The following LRRN1 variants were observed in gnomAD, a reference collection of about 807,000 sequenced individuals.
The protein encoded by LRRN1 is leucine rich repeat neuronal 1.
A neutral mutation model predicts 45.8 loss-of-function variants in LRRN1; 14 were observed. The observed-to-expected ratio is 0.31, with a 90% CI of 0.20 to 0.48. The LOEUF (loss-of-function observed/expected upper bound fraction) is 0.48. LRRN1 is among the 20% of genes least tolerant of loss of function. LRRN1 has a pLI of 0.99. For missense variants in LRRN1, 789 were observed against 874.2 expected, an observed-to-expected ratio of 0.90 and a Z score of 1.23; for synonymous variants, 359 against 330.1, an observed-to-expected ratio of 1.09 and a Z score of -0.95.
At chr3:3,834,645 G>C (rs1020628724) in intron 1 of LRRN1, among the ~76,000 whole-genome samples, 1 of 146,302 alleles carries the variant, frequency 6.8e-6, no homozygotes, top group Non-Finnish European at 1.5e-5. Flanking sequence ...GTATTAACAT[G>C]CATGATCACA....
chr3:3,827,422 A>T (rs1279696097), intron 1 of LRRN1: 1 of 456,652 alleles, frequency 2.2e-6, no homozygotes, highest in Admixed American at 2.3e-5. Flanking sequence ...CTGGGAGGTC[A>T]GTCCACACAG....
intron 1 of LRRN1, among the ~76,000 whole-genome samples, chr3:3,834,372 A>T (rs1391276379): frequency 6.6e-6 from 1 of 150,954 alleles, no homozygotes; most frequent in Non-Finnish European, 1.5e-5. Flanking sequence ...TTAGAAGTAC[A>T]GTCCTTAGCA....
intron 1 of LRRN1, among the ~76,000 whole-genome samples, chr3:3,840,099 T>G (rs140015324): frequency 3.1e-3 from 474 of 152,270 alleles, no homozygotes; most frequent in African/African-American, 0.011. Flanking sequence ...TAAGAATCAT[T>G]TTAACTGTGG....
chr3:3,801,549 A>G (rs1221611982), intron 1 of LRRN1, among the ~76,000 whole-genome samples: 3 of 152,274 alleles, frequency 2.0e-5, no homozygotes, highest in South Asian at 2.1e-4. Context: ...TTTGCATGCA[A>G]ATGTGAGCGG....
At position 3,845,478 on chromosome 3, in the gene LRRN1, A is replaced by T; in HGVS notation, c.837A>T (p.Gln279His). ...DLNKNPIHKI[Q>H]EGDFKNMLRL... Reference sequence around the variant, plus strand: ...ACAAAAACCCCATTCACAAAATCCAAGAAGGGGACTTCAAAAATATGCTTC... The same window carrying T: ...ACAAAAACCCCATTCACAAAATCCATGAAGGGGACTTCAAAAATATGCTTC... Residue 279 changes from glutamine to histidine, a missense_variant, in exon 2 of 2, where the codon CAA becomes CAT. By Grantham distance (24) the Gln-to-His change is conservative. Coordinates refer to ENST00000319331, the MANE Select transcript of LRRN1 (RefSeq NM_020873.7). The surrounding 1 kb of genome is among the most constrained non-coding windows in gnomAD (Gnocchi z 6.5). The T allele has an allele frequency of 1.9e-6, 3 of 1,614,114 alleles. No individual in the cohort carries two copies. The highest frequency in any genetic ancestry group is 2.5e-6 in the Non-Finnish European group (3 of 1,180,018).
In LRRN1 at chr3:3,844,930, T is replaced by A; in HGVS notation, c.289T>A (p.Leu97Met). 6.2e-7 allele frequency: 1 copy of A among 1,614,122 alleles called. No homozygotes were observed. The highest frequency in any genetic ancestry group is 2.2e-5 in the East Asian group (1 of 44,858). Residue 97 changes from leucine to methionine, a missense_variant, in exon 2 of 2, where the codon TTG becomes ATG. Transcript: ENST00000319331. Reference protein sequence around the residue: ...TVDELQQLFNLTELDFSQNNF... With the variant: ...TVDELQQLFNMTELDFSQNNF... ...GGATGAGCTGCAGCAGCTTTTCAAC[T>A]TGACTGAACTAGATTTCTCCCAAAA...
At chr3:3,837,697 C>T (rs1347503544) in intron 1 of LRRN1, among the ~76,000 whole-genome samples, 2 of 151,410 alleles carry the variant, frequency 1.3e-5, no homozygotes, top group African/African-American at 4.8e-5. Flanking sequence ...CACCGCACCA[C>T]ATTTTTTTTT....
At chr3:3,834,067 C>G (rs539485031) in intron 1 of LRRN1, among the ~76,000 whole-genome samples, 103 of 152,216 alleles carry the variant, frequency 6.8e-4, no homozygotes, top group Non-Finnish European at 8.7e-4. Context: ...AAGACTCTCA[C>G]TCAGGGTAAT....
At chr3:3,837,222 C>T (rs1018727605) in intron 1 of LRRN1, among the ~76,000 whole-genome samples, 1 of 152,172 alleles carries the variant, frequency 6.6e-6, no homozygotes, top group African/African-American at 2.4e-5. Flanking sequence ...ACTTGACTTT[C>T]CATGCAGTAT....
rs575539940 is a variant in LRRN1 at position 3,821,283 on chromosome 3, C to G, written c.-279+21364C>G. On this transcript the variant is annotated intron_variant, in intron 1 of 1. Transcript: ENST00000319331. ...AACCTCCATTTCTCATTCCCACCAG[C>G]TACGTTTCACTTGCTCAGTAGCCAC... is the stretch of plus-strand genomic sequence containing the variant. Among the ~76,000 whole-genome samples the G allele has an allele frequency of 4.6e-5, 7 of 152,274 alleles. No individual in the cohort carries two copies. The South Asian group carries it at 1.5e-3, about 32-fold the overall frequency.
rs748280185 is a variant in LRRN1 at position 3,844,967 on chromosome 3, A to T, written c.326A>T (p.Asn109Ile). The T allele has an allele frequency of 6.8e-6, 11 of 1,614,104 alleles. No individual in the cohort carries two copies. Among genetic ancestry groups the T allele is most frequent in the Non-Finnish European group, 8.5e-6 (10 of 1,180,020 alleles). Residue 109 changes from asparagine to isoleucine, a missense_variant, in exon 2 of 2, where the codon AAC becomes ATC. By Grantham distance (149) the Asn-to-Ile change is moderately radical. Transcript: ENST00000319331. ...GATTTCTCCCAAAACAACTTTACTA[A>T]CATTAAGGAGGTCGGGCTGGCAAAC... ...ELDFSQNNFT[N>I]IKEVGLANLT...
Position 3,834,525 on chromosome 3 carries a change from G to GATATAT in LRRN1, c.-278-9816_-278-9811dup, listed in dbSNP as rs71040093. Among the ~76,000 whole-genome samples, 262 of 27,318 alleles carry GATATAT rather than the reference G, an allele frequency of 9.6e-3. 38 individuals carry two copies. The highest frequency in any genetic ancestry group is 0.014 in the Non-Finnish European group (140 of 10,060). The allele number at this position is 27,318 out of a possible 152,430, so 17.9% of individuals were successfully genotyped here. ...GCGTTCTCTTAGAGGGACAGAACAG[G>GATATAT]ATATATATATATATATATATATATA... is the stretch of plus-strand genomic sequence containing the variant. On this transcript the variant is annotated intron_variant, in intron 1 of 1. Transcript: ENST00000319331.
At chr3:3,809,968 C>A (rs1417912578) in intron 1 of LRRN1, among the ~76,000 whole-genome samples, 4 of 152,196 alleles carry the variant, frequency 2.6e-5, no homozygotes, top group African/African-American at 9.7e-5. Flanking sequence ...GACAAGAAGA[C>A]TCAGACTAGA....
At chr3:3,820,971 G>A (rs781443162) in intron 1 of LRRN1, among the ~76,000 whole-genome samples, 29 of 152,230 alleles carry the variant, frequency 1.9e-4, no homozygotes, top group Non-Finnish European at 4.3e-4. Flanking sequence ...CTCTGAGCCT[G>A]TGAGTGGTGG....
rs768558938 is a variant in LRRN1 at position 3,846,556 on chromosome 3, A to G, written c.1915A>G (p.Met639Val). 2.5e-6 allele frequency: 4 copies of G among 1,614,022 alleles called. No homozygotes were observed. The highest frequency in any genetic ancestry group is 2.2e-5 in the East Asian group (1 of 44,892). Residue 639 changes from methionine (M) to valine (V), a missense_variant, in exon 2 of 2, where the codon ATG becomes GTG. By Grantham distance (21) the Met-to-Val change is conservative. Coordinates refer to ENST00000319331, the MANE Select transcript of LRRN1 (RefSeq NM_020873.7). This position sits in a 1 kb window ranked among gnomAD's most constrained non-coding sequence, Gnocchi z 5.7. Reference protein sequence around the residue: ...STALAAVMGSMFAVISLASIA... With the variant: ...STALAAVMGSVFAVISLASIA... ...AGCCCTTGCTGCAGTAATGGGGTCTATGTTTGCCGTCATTAGCCTTGCGTC... is the reference window on the plus strand; with the variant it reads ...AGCCCTTGCTGCAGTAATGGGGTCTGTGTTTGCCGTCATTAGCCTTGCGTC...
chr3:3,826,700 G>A (rs1320766191), intron 1 of LRRN1, among the ~76,000 whole-genome samples: 1 of 152,102 alleles, frequency 6.6e-6, no homozygotes, highest in African/African-American at 2.4e-5. Flanking sequence ...TTTGGATAAT[G>A]TGTGAACCAG....
intron 1 of LRRN1, among the ~76,000 whole-genome samples, chr3:3,811,297 C>A (rs1233437595): frequency 6.6e-6 from 1 of 152,200 alleles, no homozygotes; most frequent in African/African-American, 2.4e-5. Context: ...GATCTTCCCA[C>A]ATCTCCTTGT....
chr3:3,847,152 C>T lies in LRRN1; in HGVS notation c.*360C>T, dbSNP rs1362903936. 1 of 174,178 alleles carries T rather than the reference C, an allele frequency of 5.7e-6. No homozygotes were observed. Among genetic ancestry groups the T allele is most frequent in the Non-Finnish European group, 1.4e-5 (1 of 72,908 alleles). The allele number at this position is 174,178 out of a possible 1,614,324, so 10.8% of individuals were successfully genotyped here. On this transcript the variant is annotated 3_prime_UTR_variant, in exon 2 of 2. Coordinates refer to ENST00000319331, the MANE Select transcript of LRRN1 (RefSeq NM_020873.7). ...GGTTCCCCTGTGCTTTTACCAGTAG[C>T]ATGACCCCTTCTGAAGCCATCCGTA...
rs964312274 is a variant in LRRN1 at position 3,849,808 on chromosome 3, C to G, written c.*3016C>G. 2.0e-5 allele frequency among the ~76,000 whole-genome samples: 3 copies of G among 152,108 alleles called. No homozygotes were observed. Among genetic ancestry groups the G allele is most frequent in the Admixed American group, 6.5e-5 (1 of 15,280 alleles). ...GGAATCATCTCTATTTTTTTGCAAA[C>G]AATATCAAAGTGCATATTTTCTCTC... On this transcript the variant is annotated 3_prime_UTR_variant, in exon 2 of 2. Transcript: ENST00000319331.
Sources: allele counts gnomAD v4.1 joint callset (sites outside exome capture counted in the v4.1 genomes callset), GRCh38; gene constraint gnomAD v4.1.1; non-coding constraint Gnocchi (gnomAD v3.1); transcripts MANE v1.5; gene names NCBI Gene and HGNC (gene_info 2026-07-23, HGNC 2026-07-21).